Variants in SPHKAP observed in about 807,000 individuals in gnomAD.
The protein encoded by SPHKAP is A-kinase anchor protein SPHKAP.
In SPHKAP, 67 loss-of-function variants were observed where a neutral mutation model predicts 137.5. The ratio of observed to expected loss-of-function variants is 0.49; its 90% CI spans 0.40 to 0.60. SPHKAP has a LOEUF of 0.60. Ranked by LOEUF, SPHKAP falls within the 20% of genes least tolerant of loss-of-function variation. The pLI, the probability that SPHKAP is intolerant of heterozygous loss-of-function variation, is 0.00. For missense variants in SPHKAP, 2,097 were observed against 2,069.3 expected, an observed-to-expected ratio of 1.01 and a Z score of -0.26; for synonymous variants, 813 against 785.3, an observed-to-expected ratio of 1.04 and a Z score of -0.59.
At chr2:228,079,040 A>C (rs532325883) in intron 3 of SPHKAP, among the ~76,000 whole-genome samples, 2 of 152,074 alleles carry the variant, frequency 1.3e-5, no homozygotes, top group South Asian at 4.1e-4. Flanking sequence ...AGTGATCCCC[A>C]ACCTTTTTGG....
chr2:228,060,077 A>G (rs563089565), intron 3 of SPHKAP, among the ~76,000 whole-genome samples: 6 of 152,324 alleles, frequency 3.9e-5, no homozygotes, highest in African/African-American at 1.2e-4. Flanking sequence ...TTCTGATGCT[A>G]TAGTCTGTTC....
chr2:228,045,655 G>A (rs1438805760), intron 3 of SPHKAP, among the ~76,000 whole-genome samples: 2 of 151,716 alleles, frequency 1.3e-5, no homozygotes, highest in Non-Finnish European at 1.5e-5. Flanking sequence ...GCTAAATGAC[G>A]AGTTAATGGG....
At chr2:228,021,163 C>T (rs927696036) in intron 6 of SPHKAP, among the ~76,000 whole-genome samples, 3 of 152,188 alleles carry the variant, frequency 2.0e-5, no homozygotes, top group African/African-American at 7.2e-5. Flanking sequence ...ACAGGAAGAG[C>T]TGAATAAATG....
intron 3 of SPHKAP, among the ~76,000 whole-genome samples, chr2:228,073,920 G>A (rs1044503557): frequency 1.9e-4 from 29 of 152,094 alleles, no homozygotes; most frequent in Admixed American, 3.9e-4. Context: ...CAGTGTCATG[G>A]GGAGGACCAA....
In SPHKAP at chr2:228,019,605, C is replaced by G; in HGVS notation, c.1249G>C (p.Glu417Gln). The G allele has an allele frequency of 6.2e-7, 1 of 1,614,114 alleles. No homozygotes were observed. Among genetic ancestry groups the G allele is most frequent in the Non-Finnish European group, 8.5e-7 (1 of 1,179,992 alleles). Residue 417 changes from glutamate to glutamine, a missense_variant, in exon 7 of 12, where the codon GAA (glutamate) becomes CAA (glutamine). Coordinates refer to ENST00000392056, the MANE Select transcript of SPHKAP (RefSeq NM_001142644.2). ...LSQSQSTLPQ[E>Q]SAVSVSVGSS... The stretch of plus-strand genomic sequence containing the variant: ...CCTACAGAAACACTGACTGCAGATT[C>G]CTGGGGTAATGTGGACTGAGATTGA...
chr2:228,161,941 A>G (rs1700288053), intron 1 of SPHKAP, among the ~76,000 whole-genome samples: 1 of 152,174 alleles, frequency 6.6e-6, no homozygotes, highest in Non-Finnish European at 1.5e-5. Context: ...TATCTATTGC[A>G]TTATTAAATC....
chr2:228,076,891 C>T (rs1697202297), intron 3 of SPHKAP, among the ~76,000 whole-genome samples: 1 of 152,192 alleles, frequency 6.6e-6, no homozygotes, highest in Non-Finnish European at 1.5e-5. Flanking sequence ...GCAGCAGTCC[C>T]TCCTATCACA....
chr2:228,146,594 C>G (rs1699782447), intron 1 of SPHKAP, among the ~76,000 whole-genome samples: 1 of 152,150 alleles, frequency 6.6e-6, no homozygotes, highest in South Asian at 2.1e-4. Flanking sequence ...ACACCATTGG[C>G]TGTTGTTTCC....
chr2:228,117,711 C>T (rs1423577979), intron 2 of SPHKAP, among the ~76,000 whole-genome samples: 3 of 152,058 alleles, frequency 2.0e-5, no homozygotes, highest in African/African-American at 7.2e-5. Flanking sequence ...GTGTAACCAG[C>T]AGCCGAATCA....
intron 3 of SPHKAP, among the ~76,000 whole-genome samples, chr2:228,034,455 G>A (rs1483246595): frequency 6.6e-6 from 1 of 152,032 alleles, no homozygotes; most frequent in African/African-American, 2.4e-5. Flanking sequence ...AGAGGTACAA[G>A]GAGGAACTGG....
intron 2 of SPHKAP, among the ~76,000 whole-genome samples, chr2:228,111,090 C>T (rs1698503743): frequency 6.6e-6 from 1 of 152,058 alleles, no homozygotes; most frequent in African/African-American, 2.4e-5. Context: ...ACATTGAAAA[C>T]CATTGACCTA....
chr2:228,024,812 T>C (rs34699786), intron 5 of SPHKAP, among the ~76,000 whole-genome samples: 2 of 152,178 alleles, frequency 1.3e-5, no homozygotes, highest in Admixed American at 1.3e-4. Context: ...AATGTTATAG[T>C]GATTTATATA....
chr2:228,028,131 G>T, intron 3 of SPHKAP: 1 of 858,540 alleles, frequency 1.2e-6, no homozygotes, highest in Non-Finnish European at 1.4e-6. Context: ...CAATAGAACA[G>T]TTACAACAAA....
At position 228,155,045 on chromosome 2, in the gene SPHKAP, C is replaced by T. The variant is rs1017779851; in HGVS notation, c.33-22960G>A. ...AGGTGTTTAATTATACTTTTTCATC[C>T]AAGTTAACCTCAATTATTGTGGTTT... is the stretch of plus-strand genomic sequence containing the variant. On this transcript the variant is annotated intron_variant, in intron 1 of 11. Transcript: ENST00000392056. Among the ~76,000 whole-genome samples the T allele has an allele frequency of 2.6e-5, 4 of 152,022 alleles. No individual in the cohort carries two copies. The South Asian group carries it at 6.2e-4, about 24-fold the overall frequency.
intron 1 of SPHKAP, among the ~76,000 whole-genome samples, chr2:228,177,024 C>G (rs1700763862): frequency 6.6e-6 from 1 of 152,032 alleles, no homozygotes; most frequent in Non-Finnish European, 1.5e-5. Flanking sequence ...TAGCACTAGC[C>G]AAAGGAGACC....
chr2:228,100,929 G>A (rs1189096485), intron 3 of SPHKAP, among the ~76,000 whole-genome samples: 1 of 152,094 alleles, frequency 6.6e-6, no homozygotes, highest in African/African-American at 2.4e-5. Context: ...TTTGGCACCA[G>A]CTCTTCATTG....
chr2:228,043,092 G>C (rs1333945348), intron 3 of SPHKAP, among the ~76,000 whole-genome samples: 1 of 152,154 alleles, frequency 6.6e-6, no homozygotes, highest in Non-Finnish European at 1.5e-5. Flanking sequence ...AGTCATTATT[G>C]CTGATTAAAT....
intron 1 of SPHKAP, among the ~76,000 whole-genome samples, chr2:228,173,880 C>T (rs1700658744): frequency 6.6e-6 from 1 of 152,172 alleles, no homozygotes; most frequent in Non-Finnish European, 1.5e-5. Flanking sequence ...AGTTCATACA[C>T]TATTTCAATA....
At chr2:228,009,282 G>T (rs986896854) in intron 7 of SPHKAP, among the ~76,000 whole-genome samples, 5 of 151,998 alleles carry the variant, frequency 3.3e-5, no homozygotes, top group Non-Finnish European at 7.4e-5. Flanking sequence ...TCTCTGGGCT[G>T]CTTTTAAGAC....
Sources: allele counts gnomAD v4.1 joint callset (sites outside exome capture counted in the v4.1 genomes callset), GRCh38; gene constraint gnomAD v4.1.1; transcripts MANE v1.5; gene names NCBI Gene and HGNC (gene_info 2026-07-23, HGNC 2026-07-21).